Variants in ABHD16A observed in about 807,000 individuals in gnomAD.
The protein encoded by ABHD16A is abhydrolase domain containing 16A, phospholipase, also known as phosphatidylserine lipase ABHD16A.
A neutral mutation model predicts 89.8 loss-of-function variants in ABHD16A; 47 were observed. The ratio of observed to expected loss-of-function variants is 0.52; its 90% CI spans 0.41 to 0.67. ABHD16A has a LOEUF of 0.67. Ranked by LOEUF, ABHD16A falls within the 30% of genes least tolerant of loss-of-function variation. The pLI is 0.00. For missense variants in ABHD16A, 580 were observed against 734.6 expected, an observed-to-expected ratio of 0.79 and a Z score of 2.43; for synonymous variants, 251 against 280.4, an observed-to-expected ratio of 0.90 and a Z score of 1.05.
chr6:31,693,001 G>C lies in ABHD16A; in HGVS notation c.626+26C>G, dbSNP rs1804045277. On this transcript the variant is annotated intron_variant, in intron 7 of 19. Coordinates refer to ENST00000395952, the MANE Select transcript of ABHD16A (RefSeq NM_021160.3). This position sits in a 1 kb window ranked among gnomAD's most constrained non-coding sequence, Gnocchi z 5.0. ...CTGAAATGGCCCCTCCACCCCAGTG[G>C]GCCTCTCCTCGCTGCTGTTTCCCAC... is the stretch of plus-strand genomic sequence containing the variant. The C allele has an allele frequency of 6.2e-7, 1 of 1,614,052 alleles. No individual in the cohort carries two copies. The highest frequency in any genetic ancestry group is 8.5e-7 in the Non-Finnish European group (1 of 1,180,044).
chr6:31,687,171 T>C lies in ABHD16A; in HGVS notation c.*41A>G, dbSNP rs1207176806. 4 of 1,552,872 alleles carry C rather than the reference T, an allele frequency of 2.6e-6. No homozygotes were observed. The highest frequency in any genetic ancestry group is 3.5e-6 in the Non-Finnish European group (4 of 1,128,368). On this transcript the variant is annotated 3_prime_UTR_variant, in exon 20 of 20. Coordinates refer to ENST00000395952, the MANE Select transcript of ABHD16A (RefSeq NM_021160.3). The surrounding 1 kb of genome is among the most constrained non-coding windows in gnomAD (Gnocchi z 6.3). ...AAATAAGAGGGTCTTTCCTCATGTC[T>C]CCTCTCACCCCATTCTTCCATAATG...
rs777324878 is a variant in ABHD16A at position 31,687,646 on chromosome 6, G to A, written c.1542C>T (p.Ser514=). Residue 514 remains serine (S), a synonymous_variant, in exon 18 of 20, where the codon AGC becomes AGT. Coordinates refer to ENST00000395952, the MANE Select transcript of ABHD16A (RefSeq NM_021160.3). The surrounding 1 kb of genome is among the most constrained non-coding windows in gnomAD (Gnocchi z 6.3). ...CCTGCCCCAGGAGCTCCTTACCCAC[G>A]CTCCAGGGGAAGTCGGGCCCGTGTT... is the stretch of plus-strand genomic sequence containing the variant. ...QAEHGPDFPW[S]VGEDMSADGR... 3.0e-5 allele frequency: 48 copies of A among 1,612,672 alleles called. No individual in the cohort carries two copies. In the East Asian group the frequency reaches 3.8e-4, roughly 13 times the overall value.
At chr6:31,701,942 G>C (rs975266492) in intron 2 of ABHD16A, 132 bp downstream of exon 2, 1 of 900,584 alleles carries the variant, frequency 1.1e-6, no homozygotes, top group Non-Finnish European at 1.8e-6. Flanking sequence ...GTCTGTGTTG[G>C]AGAGGTCTGC....
At chr6:31,689,525 T>G in intron 12 of ABHD16A, 56 bp downstream of exon 12, 2 of 1,479,448 alleles carry the variant, frequency 1.4e-6, no homozygotes, top group Non-Finnish European at 1.8e-6. Flanking sequence ...CTCTCCCGGG[T>G]GGGGCTGGGT....
At chr6:31,699,133 G>A (rs111338042) in intron 4 of ABHD16A, among the ~76,000 whole-genome samples, 3,278 of 151,658 alleles carry the variant, frequency 0.022, 76 homozygotes, top group African/African-American at 0.063. Flanking sequence ...CTTGCTGGGC[G>A]CGGTGGCTCA....
intron 2 of ABHD16A, 139 bp from the exon 3 acceptor site, chr6:31,701,479 A>T: frequency 2.8e-6 from 2 of 703,294 alleles, no homozygotes; most frequent in Non-Finnish European, 4.9e-6. Flanking sequence ...CACCATGAAT[A>T]CAGTAGGTGC....
rs1289618233 is a variant in ABHD16A, at chr6:31,687,369, C to G, written c.1594-74G>C. The G allele has an allele frequency of 1.9e-5, 30 of 1,594,178 alleles. No homozygotes were observed. The highest frequency in any genetic ancestry group is 2.4e-5 in the Non-Finnish European group (28 of 1,163,532). On this transcript the variant is annotated intron_variant, in intron 19 of 19. Transcript: ENST00000395952. This position sits in a 1 kb window ranked among gnomAD's most constrained non-coding sequence, Gnocchi z 6.3. Reference sequence around the variant, plus strand: ...GGCAGCCACTGGACTCCCTCCCCACCCTCCACTTCCGCATCCACCACCCAC... The same window carrying G: ...GGCAGCCACTGGACTCCCTCCCCACGCTCCACTTCCGCATCCACCACCCAC...
chr6:31,688,956 C>T lies in ABHD16A; in HGVS notation c.1186+59G>A. The T allele has an allele frequency of 6.6e-7, 1 of 1,523,716 alleles. No individual in the cohort carries two copies. The allele number at this position is 1,523,716 out of a possible 1,614,324, so 94.4% of individuals were successfully genotyped here. On this transcript the variant is annotated intron_variant, in intron 13 of 19. Transcript: ENST00000395952. This position sits in a 1 kb window ranked among gnomAD's most constrained non-coding sequence, Gnocchi z 4.9. ...CCAAGAAAAGGGAGCCATCTCAGAA[C>T]AGTTCCCAGTTCCAGCCCACCCCTT...
intron 1 of ABHD16A, chr6:31,702,860 C>T (rs925797665): frequency 2.2e-6 from 3 of 1,365,240 alleles, no homozygotes; most frequent in African/African-American, 3.0e-5. Flanking sequence ...GGACTCAAGA[C>T]TCAACTGGGA....
chr6:31,701,938 G>T (rs1395428761), intron 2 of ABHD16A, 136 bp downstream of exon 2: 2 of 872,144 alleles, frequency 2.3e-6, no homozygotes, highest in African/African-American at 1.7e-5. Flanking sequence ...GTGTGTCTGT[G>T]TTGGAGAGGT....
At position 31,687,212 on chromosome 6, in the gene ABHD16A, C is replaced by T. The variant is rs1332603651; in HGVS notation, c.1677G>A (p.Ter559=). The change falls in exon 20 of 20, where the codon TAG becomes TAA. Residue 559 remains the stop codon, a stop_retained_variant. Coordinates refer to ENST00000395952, the MANE Select transcript of ABHD16A (RefSeq NM_021160.3). The surrounding 1 kb of genome is among the most constrained non-coding windows in gnomAD (Gnocchi z 6.3). ...AQNFQMPWHL[*] The stretch of plus-strand genomic sequence containing the variant: ...TTCCATAATGAGTCCCAGTTGGTCC[C>T]TAGAGGTGCCAGGGCATCTGGAAGT... 6.2e-7 allele frequency: 1 copy of T among 1,612,458 alleles called. No homozygotes were observed. Among genetic ancestry groups the T allele is most frequent in the Admixed American group, 1.7e-5 (1 of 59,958 alleles).
At chr6:31,696,050 G>A (rs2151243593) in intron 5 of ABHD16A, among the ~76,000 whole-genome samples, 1 of 152,022 alleles carries the variant, frequency 6.6e-6, no homozygotes, top group African/African-American at 2.4e-5. Context: ...TGTAGTCCCA[G>A]CTACTCAGGG....
At chr6:31,701,910 C>T (rs56013506) in intron 2 of ABHD16A, among the ~76,000 whole-genome samples, 164 bp downstream of exon 2, 1 of 152,132 alleles carries the variant, frequency 6.6e-6, no homozygotes, top group Non-Finnish European at 1.5e-5. Flanking sequence ...GCCAAGTATG[C>T]ACATTTAGAG....
Position 31,688,051 on chromosome 6 carries a change from G to A in ABHD16A, c.1360C>T (p.Leu454=). The A allele has an allele frequency of 6.2e-7, 1 of 1,612,874 alleles. No individual in the cohort carries two copies. The highest frequency in any genetic ancestry group is 8.5e-7 in the Non-Finnish European group (1 of 1,179,500). The change falls in exon 16 of 20, where the codon CTG becomes TTG. Residue 454 remains leucine (L), a synonymous_variant. Transcript: ENST00000395952. This position sits in a 1 kb window ranked among gnomAD's most constrained non-coding sequence, Gnocchi z 4.9. ...CACCCTGGCTCTCACCGATGCTGCA[G>A]GAGCTTCAGCAGGAGGTCATTGCCT... is the stretch of plus-strand genomic sequence containing the variant. ...NRGNDLLLKL[L]QHRYPRVMAE...
At position 31,698,389 on chromosome 6, in the gene ABHD16A, A is replaced by G. The variant is rs1018190749; in HGVS notation, c.344-1356T>C. ...TGTTGACAGAAAGCATTTAAAGCAAATATCACAAAACTATATATAAAAAAA... is the reference window on the plus strand; with the variant it reads ...TGTTGACAGAAAGCATTTAAAGCAAGTATCACAAAACTATATATAAAAAAA... On this transcript the variant is annotated intron_variant, in intron 4 of 19. Transcript: ENST00000395952. This position sits in a 1 kb window ranked among gnomAD's most constrained non-coding sequence, Gnocchi z 4.1. Among the ~76,000 whole-genome samples, 3 of 151,822 alleles carry G rather than the reference A, an allele frequency of 2.0e-5. No homozygotes were observed. Among genetic ancestry groups the G allele is most frequent in the African/African-American group, 4.8e-5 (2 of 41,272 alleles).
At position 31,687,423 on chromosome 6, in the gene ABHD16A, A is replaced by G; in HGVS notation, c.1593+75T>C. On this transcript the variant is annotated intron_variant, in intron 19 of 19. Transcript: ENST00000395952. This position sits in a 1 kb window ranked among gnomAD's most constrained non-coding sequence, Gnocchi z 6.3. Reference sequence around the variant, plus strand: ...ACAAAAGCTGCCACTTCCAATGCTTATAGGGTATCCCCAGTCCCCCTATGT... The same window carrying G: ...ACAAAAGCTGCCACTTCCAATGCTTGTAGGGTATCCCCAGTCCCCCTATGT... 6.2e-7 allele frequency: 1 copy of G among 1,610,834 alleles called. No homozygotes were observed. The highest frequency in any genetic ancestry group is 1.1e-5 in the South Asian group (1 of 91,038).
Position 31,688,167 on chromosome 6 carries a change from G to C in ABHD16A, c.1308-64C>G. ...TTAGGAGGAAGGGTCTAGATACCCA[G>C]GTTTCTGGTGGGCAGAGGTAGAAGG... On this transcript the variant is annotated intron_variant, in intron 15 of 19. Coordinates refer to ENST00000395952, the MANE Select transcript of ABHD16A (RefSeq NM_021160.3). This position sits in a 1 kb window ranked among gnomAD's most constrained non-coding sequence, Gnocchi z 4.9. The C allele has an allele frequency of 6.2e-7, 1 of 1,605,738 alleles. No individual in the cohort carries two copies.
At chr6:31,702,036 T>C (rs1243462741) in intron 2 of ABHD16A, 38 bp downstream of exon 2, 4 of 1,612,014 alleles carry the variant, frequency 2.5e-6, no homozygotes, top group Non-Finnish European at 3.4e-6. Context: ...CAGGTGGGTC[T>C]GAAAGATGCA....
Position 31,690,330 on chromosome 6 carries a change from A to T in ABHD16A, c.908-203T>A. On this transcript the variant is annotated intron_variant, in intron 10 of 19. Coordinates refer to ENST00000395952, the MANE Select transcript of ABHD16A (RefSeq NM_021160.3). This position sits in a 1 kb window ranked among gnomAD's most constrained non-coding sequence, Gnocchi z 4.1. ...GTGGGGTGTGTGGTGGGGGAATGGA[A>T]CAGAATGAAAAGCATAATAGCTAGG... is the stretch of plus-strand genomic sequence containing the variant. 1 of 683,062 alleles carries T rather than the reference A, an allele frequency of 1.5e-6. No homozygotes were observed. Among genetic ancestry groups the T allele is most frequent in the Non-Finnish European group, 2.5e-6 (1 of 400,288 alleles). 42.3% of individuals were successfully genotyped at this position (683,062 alleles called of 1,614,324 possible). A position where few individuals can be genotyped will look rare whatever the true frequency, so the allele number is the denominator to read the frequency against.
Sources: gnomAD v4.1 joint callset for allele counts (sites outside exome capture counted in the v4.1 genomes callset) on GRCh38, gnomAD v4.1.1 for gene constraint, Gnocchi (gnomAD v3.1) non-coding constraint, MANE v1.5 for transcripts, NCBI Gene and HGNC (gene_info 2026-07-23, HGNC 2026-07-21) for gene names.